Variants in TMEM132C observed in about 807,000 individuals in gnomAD.
TMEM132C encodes the protein protein phosphatase 1, regulatory subunit 152.
In TMEM132C, 29 loss-of-function variants were observed where a neutral mutation model predicts 61.4. The ratio of observed to expected loss-of-function variants is 0.47; its 90% CI spans 0.35 to 0.64. TMEM132C has a LOEUF of 0.64. Ranked by LOEUF, TMEM132C falls within the 30% of genes least tolerant of loss-of-function variation. The probability of loss-of-function intolerance (pLI) is 0.00; values close to 1 mark genes in which losing one functional copy is unlikely to be tolerated. For missense variants in TMEM132C, 1,408 were observed against 1,476.9 expected (o/e 0.95, Z 0.76); for synonymous variants, 656 against 633.1 (o/e 1.04, Z -0.54).
At chr12:128,686,714 G>A (rs1954679958) in intron 5 of TMEM132C, among the ~76,000 whole-genome samples, 1 of 152,162 alleles carries the variant, frequency 6.6e-6, no homozygotes, top group Admixed American at 6.5e-5. Flanking sequence ...TGTGTCAGGT[G>A]TTAGGTCCCA....
chr12:128,705,930 C>T lies in TMEM132C; in HGVS notation c.2962C>T (p.Pro988Ser). 2 of 1,551,364 alleles carry T rather than the reference C, an allele frequency of 1.3e-6. No individual in the cohort carries two copies. Among genetic ancestry groups the T allele is most frequent in the Non-Finnish European group, 1.7e-6 (2 of 1,146,902 alleles). ...ACTCCTGGAGAGCATGGGGGATGCG[C>T]CGCCGCCCCAGGACGAGCACACCAC... ...AELLESMGDA[P>S]PPQDEHTTII... is the part of the protein sequence containing the mutation. Residue 988 changes from proline to serine, a missense_variant, in exon 9 of 9, where the codon CCG becomes TCG. Coordinates refer to ENST00000435159, the MANE Select transcript of TMEM132C (RefSeq NM_001136103.3).
chr12:128,666,700 T>C (rs556819172), intron 4 of TMEM132C, among the ~76,000 whole-genome samples: 1 of 152,356 alleles, frequency 6.6e-6, no homozygotes, highest in South Asian at 2.1e-4. Context: ...AGAGTGGTTT[T>C]AAATACAGGG....
rs201221243 is a variant in TMEM132C, at chr12:128,302,105, C to T, written c.85+34618C>T. On this transcript the variant is annotated intron_variant, in intron 1 of 8. Coordinates refer to ENST00000435159, the MANE Select transcript of TMEM132C (RefSeq NM_001136103.3). ...AGATGAGATTTGGGTGGGGACACAG[C>T]CAAACCACATCAGTTATAAATGGCT... Among the ~76,000 whole-genome samples, 4 of 152,284 alleles carry T rather than the reference C, an allele frequency of 2.6e-5. No individual in the cohort carries two copies. In the East Asian group the frequency reaches 7.7e-4, roughly 29 times the overall value.
intron 3 of TMEM132C, among the ~76,000 whole-genome samples, chr12:128,587,590 G>A (rs189187859): frequency 4.6e-5 from 7 of 152,336 alleles, no homozygotes; most frequent in Admixed American, 2.0e-4. Flanking sequence ...GTACACAATG[G>A]CATTAAGCCA....
At chr12:128,400,800 G>A (rs1172655904) in intron 1 of TMEM132C, among the ~76,000 whole-genome samples, 2 of 151,928 alleles carry the variant, frequency 1.3e-5, no homozygotes, top group Non-Finnish European at 2.9e-5. Context: ...TGTGGAGATG[G>A]GGTTTCACCA....
chr12:128,487,343 G>A (rs1035338885), intron 2 of TMEM132C, among the ~76,000 whole-genome samples: 1 of 152,066 alleles, frequency 6.6e-6, no homozygotes, highest in African/African-American at 2.4e-5. Context: ...TTCTAGCCCT[G>A]AAATGAAGAA....
At chr12:128,562,622 A>G (rs1874562676) in intron 3 of TMEM132C, among the ~76,000 whole-genome samples, 1 of 152,146 alleles carries the variant, frequency 6.6e-6, no homozygotes. Flanking sequence ...ATGAAAGCAA[A>G]TCACCTTAAT....
chr12:128,278,329 G>T lies in TMEM132C; in HGVS notation c.85+10842G>T, dbSNP rs7965630. 0.48 allele frequency among the ~76,000 whole-genome samples: 73,675 copies of T among 152,030 alleles called. 18,212 individuals are homozygous for T. Among genetic ancestry groups the T allele is most frequent in the African/African-American group, 0.58 (24,048 of 41,468 alleles). ...GTTACCATTTTCTTTATTTTCCACT[G>T]TTTAATTGTAAGCAATGAATTGACT... On this transcript the variant is annotated intron_variant, in intron 1 of 8. Coordinates refer to ENST00000435159, the MANE Select transcript of TMEM132C (RefSeq NM_001136103.3). The surrounding 1 kb of genome is among the most constrained non-coding windows in gnomAD (Gnocchi z 4.2).
intron 2 of TMEM132C, among the ~76,000 whole-genome samples, chr12:128,496,829 A>G (rs1478243822): frequency 1.3e-5 from 2 of 152,082 alleles, no homozygotes; most frequent in African/African-American, 2.4e-5. Flanking sequence ...TCTTCTCTCA[A>G]CTCGTCAAAG....
intron 3 of TMEM132C, among the ~76,000 whole-genome samples, chr12:128,554,393 C>T (rs920346398): frequency 3.3e-5 from 5 of 152,198 alleles, no homozygotes; most frequent in African/African-American, 1.2e-4. Context: ...GTGGGAATGC[C>T]GGCTGTCAGT....
intron 2 of TMEM132C, among the ~76,000 whole-genome samples, chr12:128,478,323 T>G (rs1241303662): frequency 1.3e-5 from 2 of 152,230 alleles, no homozygotes; most frequent in East Asian, 1.9e-4. Flanking sequence ...CTCTAAGCAC[T>G]TATAGTTCTT....
At chr12:128,426,320 T>C (rs1230114867) in intron 2 of TMEM132C, among the ~76,000 whole-genome samples, 1 of 152,234 alleles carries the variant, frequency 6.6e-6, no homozygotes, top group Non-Finnish European at 1.5e-5. Flanking sequence ...CTCGAAGGCA[T>C]TGTCCACATA....
At chr12:128,454,754 A>G (rs1017972778) in intron 2 of TMEM132C, among the ~76,000 whole-genome samples, 1 of 152,230 alleles carries the variant, frequency 6.6e-6, no homozygotes, top group Non-Finnish European at 1.5e-5. Context: ...CAAAGCAAAG[A>G]TAGCAGACAG....
intron 1 of TMEM132C, among the ~76,000 whole-genome samples, chr12:128,387,300 C>T (rs1463252969): frequency 6.6e-6 from 1 of 152,172 alleles, no homozygotes; most frequent in East Asian, 1.9e-4. Flanking sequence ...AGCAGGGATG[C>T]TGGCGTGGAG....
chr12:128,663,290 G>A (rs181722224), intron 4 of TMEM132C, among the ~76,000 whole-genome samples: 2 of 152,292 alleles, frequency 1.3e-5, no homozygotes, highest in Admixed American at 1.3e-4. Context: ...ATGCCGTTCT[G>A]TCTGCGGATT....
chr12:128,275,604 C>T (rs1228603312), intron 1 of TMEM132C, among the ~76,000 whole-genome samples: 1 of 152,204 alleles, frequency 6.6e-6, no homozygotes, highest in Non-Finnish European at 1.5e-5. Context: ...GATGCTGAAA[C>T]AATCCCCCCA....
intron 3 of TMEM132C, among the ~76,000 whole-genome samples, chr12:128,598,504 A>G (rs1876050744): frequency 6.6e-6 from 1 of 152,022 alleles, no homozygotes; most frequent in African/African-American, 2.4e-5. Flanking sequence ...CCACCCAGCA[A>G]TGATGCAGGA....
intron 3 of TMEM132C, among the ~76,000 whole-genome samples, chr12:128,612,341 AC>A (rs1876664604): frequency 6.6e-6 from 1 of 152,162 alleles, no homozygotes; most frequent in African/African-American, 2.4e-5. Flanking sequence ...TGTCACCCTG[AC>A]CTAGAATTCT....
At chr12:128,547,980 G>GTTGATCCCCCATGACCACTCACCCCTA (rs1398299370) in intron 3 of TMEM132C, among the ~76,000 whole-genome samples, 2 of 152,032 alleles carry the variant, frequency 1.3e-5, no homozygotes, top group Non-Finnish European at 2.9e-5. Context: ...GCTCACCCCT[G>GTTGATCCCCCATGACCACTCACCCCTA]TTGATCCCCC....
Sources: gnomAD v4.1 joint callset for allele counts (sites outside exome capture counted in the v4.1 genomes callset) on GRCh38, gnomAD v4.1.1 for gene constraint, Gnocchi (gnomAD v3.1) non-coding constraint, MANE v1.5 for transcripts, NCBI Gene and HGNC (gene_info 2026-07-23, HGNC 2026-07-21) for gene names.